The following HERC4 variants were observed in gnomAD, a reference collection of about 807,000 sequenced individuals.
HERC4 encodes the protein HECT and RLD domain containing E3 ubiquitin protein ligase 4, also known as probable E3 ubiquitin-protein ligase HERC4.
A neutral mutation model predicts 124.3 loss-of-function variants in HERC4; 28 were observed. That is an observed-to-expected ratio of 0.23 (90% CI 0.17 to 0.31). The LOEUF is 0.31. Among genes scored for constraint, HERC4 ranks in the 10% least tolerant of loss-of-function variants. HERC4 has a pLI of 1.00. For synonymous variants in HERC4, 407 were observed against 421.5 expected (o/e 0.97, Z 0.42); for missense variants, 713 against 1,229.3 (o/e 0.58, Z 6.28).
chr10:67,944,077 G>A (rs2033136247), intron 19 of HERC4, among the ~76,000 whole-genome samples: 1 of 152,232 alleles, frequency 6.6e-6, no homozygotes, highest in Non-Finnish European at 1.5e-5. Flanking sequence ...CCTGCTGACT[G>A]CAGAGCCCTA....
chr10:68,031,761 T>C (rs954472751), intron 7 of HERC4, among the ~76,000 whole-genome samples: 2 of 151,508 alleles, frequency 1.3e-5, no homozygotes, highest in Admixed American at 1.3e-4. Flanking sequence ...TTAATGCCTC[T>C]TTTTTTTTGA....
chr10:68,013,204 A>G (rs1444419540), intron 9 of HERC4, among the ~76,000 whole-genome samples: 1 of 152,232 alleles, frequency 6.6e-6, no homozygotes, highest in Non-Finnish European at 1.5e-5. Context: ...CAGTCTTTTA[A>G]GACATAATGT....
chr10:67,966,622 TTC>T, intron 16 of HERC4, 59 bp downstream of exon 16: 2 of 1,503,774 alleles, frequency 1.3e-6, no homozygotes, highest in South Asian at 2.6e-5. Flanking sequence ...AAGCAATTGT[TTC>T]TTTTTTTATT....
intron 9 of HERC4, among the ~76,000 whole-genome samples, chr10:68,003,532 C>G (rs2037363881): frequency 6.6e-6 from 1 of 152,008 alleles, no homozygotes; most frequent in Admixed American, 6.6e-5. Context: ...CCTTCCCAGC[C>G]TCTGGTAACT....
intron 3 of HERC4, among the ~76,000 whole-genome samples, chr10:68,064,425 A>C (rs2041194042): frequency 6.6e-6 from 1 of 151,354 alleles, no homozygotes; most frequent in African/African-American, 2.4e-5. Context: ...GTGGTGGTGC[A>C]TGCCTGCAAT....
At chr10:68,057,418 G>A (rs2040603521) in intron 3 of HERC4, among the ~76,000 whole-genome samples, 2 of 152,038 alleles carry the variant, frequency 1.3e-5, no homozygotes, top group South Asian at 2.1e-4. Context: ...AAGGTCAGGA[G>A]TTCGAGAGCA....
At position 67,955,063 on chromosome 10, in the gene HERC4, T is replaced by C; in HGVS notation, c.2093A>G (p.Asn698Ser). ...ACGCACCACTAGAATTAAGCAGGGATTCACAGATTCAATCACTGGGAGAAA... is the reference window on the plus strand; with the variant it reads ...ACGCACCACTAGAATTAAGCAGGGACTCACAGATTCAATCACTGGGAGAAA... ...SLFLPVIESV[N>S]PCLILVVRRE... The change falls in exon 18 of 25, where the codon AAT becomes AGT. Residue 698 changes from asparagine to serine, a missense_variant. Asn to Ser is a conservative substitution (Grantham distance 46). Transcript: ENST00000373700. 6.3e-7 allele frequency: 1 copy of C among 1,598,878 alleles called. No homozygotes were observed. Among genetic ancestry groups the C allele is most frequent in the Non-Finnish European group, 8.5e-7 (1 of 1,174,670 alleles).
In HERC4 at chr10:67,946,391, ACACAC is replaced by A. The variant is rs1589151112; in HGVS notation, c.2338-5291_2338-5287del. 1.4e-5 allele frequency among the ~76,000 whole-genome samples: 2 copies of A among 145,724 alleles called. 1 individual carries two copies. Among genetic ancestry groups the A allele is most frequent in the African/African-American group, 5.2e-5 (2 of 38,668 alleles). On this transcript the variant is annotated intron_variant, in intron 19 of 24. Transcript: ENST00000373700. ...CACACACACACACACACACACACAC[ACACAC>A]AAGACCCAATGATCTGCTGCCTAGA...
intron 6 of HERC4, among the ~76,000 whole-genome samples, chr10:68,033,329 A>G (rs2039305672): frequency 6.6e-6 from 1 of 152,216 alleles, no homozygotes; most frequent in Non-Finnish European, 1.5e-5. Context: ...ATTCTTTCTG[A>G]AAGTATTGTT....
chr10:67,972,223 A>G (rs1481617857), intron 15 of HERC4, among the ~76,000 whole-genome samples: 3 of 148,214 alleles, frequency 2.0e-5, no homozygotes, highest in Non-Finnish European at 4.5e-5. Flanking sequence ...TCAAAGGAAA[A>G]AAAAAAAAAA....
At chr10:67,924,286 TG>T (rs1217315107) in intron 24 of HERC4, among the ~76,000 whole-genome samples, 19 of 152,204 alleles carry the variant, frequency 1.2e-4, no homozygotes, top group Non-Finnish European at 2.6e-4. Context: ...ATTAATAACA[TG>T]TACATTCATG....
chr10:68,043,977 A>G (rs1252762111), intron 4 of HERC4, among the ~76,000 whole-genome samples: 1 of 152,230 alleles, frequency 6.6e-6, no homozygotes, highest in African/African-American at 2.4e-5. Flanking sequence ...AATTCTTTTT[A>G]CAGTAAGCAT....
chr10:67,990,688 TG>T (rs1332799398), intron 13 of HERC4, among the ~76,000 whole-genome samples: 2 of 152,108 alleles, frequency 1.3e-5, no homozygotes, highest in Non-Finnish European at 2.9e-5. Flanking sequence ...TTAAGCAACG[TG>T]GTAATGTTAA....
chr10:68,066,486 A>G (rs75616741), intron 3 of HERC4, among the ~76,000 whole-genome samples: 13,991 of 152,208 alleles, frequency 0.092, 1,045 homozygotes, highest in East Asian at 0.4. Flanking sequence ...CAAGTACTTT[A>G]AAGAAGTTTC....
chr10:68,037,351 C>T (rs1037999699), intron 5 of HERC4, among the ~76,000 whole-genome samples: 2 of 152,080 alleles, frequency 1.3e-5, no homozygotes, highest in African/African-American at 4.8e-5. Context: ...CCATCTCGGC[C>T]TCCCAAAGTG....
intron 15 of HERC4, among the ~76,000 whole-genome samples, chr10:67,985,216 C>T (rs1336413533): frequency 6.6e-6 from 1 of 151,948 alleles, no homozygotes; most frequent in East Asian, 1.9e-4. Flanking sequence ...ACATAAAGAC[C>T]AAAAAGTTTA....
At chr10:68,073,229 G>A in intron 2 of HERC4, 43 bp from the exon 3 acceptor site, 1 of 690,818 alleles carries the variant, frequency 1.4e-6, no homozygotes, top group Non-Finnish European at 2.4e-6. Context: ...AAAGAAAAAA[G>A]GATGTATAAT....
At chr10:67,951,112 A>G (rs933470013) in intron 19 of HERC4, among the ~76,000 whole-genome samples, 3 of 152,146 alleles carry the variant, frequency 2.0e-5, no homozygotes, top group Non-Finnish European at 4.4e-5. Flanking sequence ...TCCCAAAGAG[A>G]TTCATGATAA....
chr10:68,044,460 G>C lies in HERC4; in HGVS notation c.330C>G (p.Leu110=). The change falls in exon 4 of 25, where the codon CTC becomes CTG. Residue 110 remains leucine (L), a synonymous_variant. Transcript: ENST00000373700. Reference sequence around the variant, plus strand: ...CCAGGCCAAGCTGTCCATCAGAATCGAGACCCCAAGCATACACCTGGCCTT... The same window carrying C: ...CCAGGCCAAGCTGTCCATCAGAATCCAGACCCCAAGCATACACCTGGCCTT... ...NDKGQVYAWG[L]DSDGQLGLVG... is the part of the protein sequence containing the mutation. The C allele has an allele frequency of 6.2e-7, 1 of 1,614,012 alleles. No homozygotes were observed. The highest frequency in any genetic ancestry group is 8.5e-7 in the Non-Finnish European group (1 of 1,180,000).
Sources: gnomAD v4.1 joint callset for allele counts (sites outside exome capture counted in the v4.1 genomes callset) on GRCh38, gnomAD v4.1.1 for gene constraint, MANE v1.5 for transcripts, NCBI Gene and HGNC (gene_info 2026-07-23, HGNC 2026-07-21) for gene names.